LGALS8: variants seen among roughly 807,000 people sequenced by gnomAD.
LGALS8 encodes the protein galectin-8.
LGALS8 carries 30 observed loss-of-function variants against 35.9 expected under a neutral mutation model. The observed-to-expected ratio is 0.83, with a 90% CI of 0.62 to 1.13. LGALS8 has a LOEUF of 1.13. Ranked by LOEUF, LGALS8 falls within the 50% of genes most tolerant of loss-of-function variation. LGALS8 has a pLI of 0.00. For synonymous variants in LGALS8, 138 were observed against 136.1 expected, an observed-to-expected ratio of 1.01 and a Z score of -0.10; for missense variants, 366 against 388.7, an observed-to-expected ratio of 0.94 and a Z score of 0.49.
At chr1:236,543,118 C>A in intron 7 of LGALS8, 1 of 1,345,214 alleles carries the variant, frequency 7.4e-7, no homozygotes, top group Non-Finnish European at 1.1e-6. Context: ...CCTGTATCCA[C>A]AATAGAGGCC....
intron 2 of LGALS8, among the ~76,000 whole-genome samples, chr1:236,527,244 A>G (rs1006995998): frequency 4.6e-5 from 7 of 152,236 alleles, no homozygotes; most frequent in Non-Finnish European, 8.8e-5. Flanking sequence ...AGAAAAGAAG[A>G]TAATTTTATA....
In LGALS8 at chr1:236,552,379, C is replaced by G. The variant is rs760412468; in HGVS notation, c.*4218C>G. On this transcript the variant is annotated 3_prime_UTR_variant, in exon 10 of 10. Transcript: ENST00000366584. The stretch of plus-strand genomic sequence containing the variant: ...GTGAAATGTCTTTTTATAATCTCTT[C>G]CTTTAAAAAAAACCAATAAAATAAA... 2 of 219,296 alleles carry G rather than the reference C, an allele frequency of 9.1e-6. No individual in the cohort carries two copies. Among genetic ancestry groups the G allele is most frequent in the Non-Finnish European group, 1.8e-5 (2 of 112,376 alleles). The allele number at this position is 219,296 out of a possible 1,614,324, so 13.6% of individuals were successfully genotyped here.
intron 2 of LGALS8, among the ~76,000 whole-genome samples, chr1:236,529,932 C>T (rs1054298271): frequency 4.6e-5 from 7 of 152,260 alleles, no homozygotes; most frequent in Non-Finnish European, 7.4e-5. Flanking sequence ...GGATTATAGG[C>T]GTGAACCACC....
chr1:236,545,413 G>A (rs1662300637), intron 9 of LGALS8, among the ~76,000 whole-genome samples: 2 of 152,216 alleles, frequency 1.3e-5, no homozygotes, highest in Admixed American at 1.3e-4. Context: ...TCCCCAGATA[G>A]GTGAATATTG....
At position 236,551,452 on chromosome 1, in the gene LGALS8, A is replaced by T. The variant is rs115774627; in HGVS notation, c.*3291A>T. The T allele has an allele frequency of 5.3e-3, 856 of 161,748 alleles. 11 individuals are homozygous for T. The highest frequency in any genetic ancestry group is 0.019 in the African/African-American group (795 of 41,774). 10.0% of individuals were successfully genotyped at this position (161,748 alleles called of 1,614,324 possible). On this transcript the variant is annotated 3_prime_UTR_variant, in exon 10 of 10. Coordinates refer to ENST00000366584, the MANE Select transcript of LGALS8 (RefSeq NM_201544.4). ...CACAGCTCCCCATGTCACACTCACT[A>T]GCTTGTGATCTTTGTCAAATAACTG...
intron 2 of LGALS8, among the ~76,000 whole-genome samples, chr1:236,528,561 T>TTC (rs1489786464): frequency 6.9e-6 from 1 of 145,576 alleles, no homozygotes; most frequent in Non-Finnish European, 1.5e-5. Context: ...TTTTTTTTTT[T>TTC]TTTTTTTTAA....
chr1:236,524,611 T>C (rs1398947195), intron 1 of LGALS8: 1 of 359,614 alleles, frequency 2.8e-6, no homozygotes, highest in Non-Finnish European at 5.6e-6. Context: ...GAAACTTAAG[T>C]GATGGCTGCT....
At chr1:236,532,774 GC>G (rs1393053955) in intron 2 of LGALS8, among the ~76,000 whole-genome samples, 1 of 152,172 alleles carries the variant, frequency 6.6e-6, no homozygotes, top group Non-Finnish European at 1.5e-5. Context: ...AACCCGGGAG[GC>G]GGAGATTGCA....
intron 2 of LGALS8, among the ~76,000 whole-genome samples, chr1:236,531,468 C>T (rs959790846): frequency 2.6e-5 from 4 of 152,086 alleles, no homozygotes; most frequent in South Asian, 4.1e-4. Context: ...GGACTACAGG[C>T]GCCCGCCACC....
chr1:236,519,925 T>C (rs1365765477), upstream of LGALS8, among the ~76,000 whole-genome samples: 2 of 149,132 alleles, frequency 1.3e-5, no homozygotes, highest in Non-Finnish European at 3.0e-5. Flanking sequence ...GTTTTACACA[T>C]AACAGGAGTA....
chr1:236,521,995 C>CT (rs1298205254), upstream of LGALS8, among the ~76,000 whole-genome samples: 5 of 152,278 alleles, frequency 3.3e-5, no homozygotes, highest in East Asian at 9.6e-4. Flanking sequence ...ATGTGGGACT[C>CT]TATCTAGAAG....
chr1:236,524,174 C>A (rs1037487044), intron 1 of LGALS8, 113 bp downstream of exon 1: 1 of 456,538 alleles, frequency 2.2e-6, no homozygotes, highest in East Asian at 6.9e-5. Context: ...CCTAAATCAC[C>A]ATTTGATGGG....
Position 236,551,968 on chromosome 1 carries a change from G to A in LGALS8, c.*3807G>A, listed in dbSNP as rs1433816222. On this transcript the variant is annotated 3_prime_UTR_variant, in exon 10 of 10. Coordinates refer to ENST00000366584, the MANE Select transcript of LGALS8 (RefSeq NM_201544.4). ...AATTTTACTGAATTATTCCTTAATT[G>A]TTTAATGGTTGGGAATAGTTTGGGA... 1.5e-6 allele frequency: 2 copies of A among 1,361,610 alleles called. No individual in the cohort carries two copies. Among genetic ancestry groups the A allele is most frequent in the Non-Finnish European group, 2.1e-6 (2 of 953,652 alleles). The allele number at this position is 1,361,610 out of a possible 1,614,324, so 84.3% of individuals were successfully genotyped here. A position where few individuals can be genotyped will look rare whatever the true frequency, so the allele number is the denominator to read the frequency against.
At chr1:236,546,547 T>TCGTC (rs1553278630) in intron 9 of LGALS8, among the ~76,000 whole-genome samples, 2 of 151,740 alleles carry the variant, frequency 1.3e-5, no homozygotes, top group African/African-American at 4.8e-5. Flanking sequence ...AAATCCGTGT[T>TCGTC]CCAGCTGTTC....
intron 3 of LGALS8, among the ~76,000 whole-genome samples, chr1:236,538,159 C>T (rs16833818): frequency 2.0e-5 from 3 of 148,432 alleles, no homozygotes; most frequent in Non-Finnish European, 4.5e-5. Flanking sequence ...ATGACAGGGA[C>T]AGTCTAGTTT....
intron 9 of LGALS8, 55 bp downstream of exon 9, chr1:236,544,970 T>C: frequency 1.5e-6 from 2 of 1,357,672 alleles, no homozygotes; most frequent in East Asian, 2.3e-5. Flanking sequence ...GGAGCAGGGG[T>C]GGGATAAGTG....
chr1:236,540,351 C>T, intron 4 of LGALS8: 1 of 455,610 alleles, frequency 2.2e-6, no homozygotes, highest in Non-Finnish European at 3.8e-6. Flanking sequence ...GAGACAGTTC[C>T]TGGTGCTTAA....
At chr1:236,537,686 G>A in intron 3 of LGALS8, 101 bp downstream of exon 3, 1 of 816,568 alleles carries the variant, frequency 1.2e-6, no homozygotes, top group South Asian at 1.4e-5. Flanking sequence ...GATACTTTGA[G>A]GCCCAATTAG....
chr1:236,536,947 CT>C (rs1156732760), intron 2 of LGALS8, among the ~76,000 whole-genome samples: 1 of 151,032 alleles, frequency 6.6e-6, no homozygotes, highest in Admixed American at 6.6e-5. Context: ...TAGTATTTAC[CT>C]TGTGTCTCTT....
Sources: allele counts gnomAD v4.1 joint callset (sites outside exome capture counted in the v4.1 genomes callset), GRCh38; gene constraint gnomAD v4.1.1; transcripts MANE v1.5; gene names NCBI Gene and HGNC (gene_info 2026-07-23, HGNC 2026-07-21).